Variants in SELENBP1 observed in about 807,000 individuals in gnomAD.
SELENBP1 encodes methanethiol oxidase.
Under a neutral mutation model 61.0 loss-of-function variants are expected in SELENBP1, and 71 were observed. The observed-to-expected ratio is 1.16, with a 90% CI of 0.96 to 1.42. SELENBP1 has a LOEUF of 1.42. SELENBP1 is among the 40% of genes most tolerant of loss of function. SELENBP1 has a pLI of 0.00. For synonymous variants in SELENBP1, 270 were observed against 238.9 expected (o/e 1.13, Z -1.20); for missense variants, 561 against 605.0 (o/e 0.93, Z 0.76).
Position 151,366,795 on chromosome 1 carries a change from A to AT in SELENBP1, c.590dup (p.Asn197LysfsTer7). The stretch of plus-strand genomic sequence containing the variant: ...CTGCCCACTCAGTGCTGATCATGAC[A>AT]TTGTGTCGAGGCTGGTACCAGAAGT... On this transcript the variant is annotated frameshift_variant, in exon 6 of 12. Coordinates refer to ENST00000368868, the MANE Select transcript of SELENBP1 (RefSeq NM_003944.4). LOFTEE classifies it high-confidence loss of function. The AT allele has an allele frequency of 6.2e-7, 1 of 1,614,074 alleles. No homozygotes were observed.
chr1:151,368,951 TG>T (rs1651995663), intron 4 of SELENBP1, 52 bp downstream of exon 4: 7 of 1,547,444 alleles, frequency 4.5e-6, no homozygotes, highest in Non-Finnish European at 6.2e-6. Context: ...GTAGACTACC[TG>T]GGGTGGCAGG....
At chr1:151,367,645 G>T (rs1752383) in intron 5 of SELENBP1, among the ~76,000 whole-genome samples, 19,144 of 152,078 alleles carry the variant, frequency 0.13, 2,210 homozygotes, top group African/African-American at 0.31. Flanking sequence ...TTTTTTGAGA[G>T]AGGGTCTCAC....
chr1:151,367,538 T>C (rs1413654479), intron 5 of SELENBP1, among the ~76,000 whole-genome samples: 2 of 152,034 alleles, frequency 1.3e-5, no homozygotes, highest in African/African-American at 4.8e-5. Flanking sequence ...TCCCACGAGA[T>C]CTTCTGGGAC....
intron 1 of SELENBP1, among the ~76,000 whole-genome samples, chr1:151,371,506 A>G (rs1571288380): frequency 1.3e-5 from 2 of 151,942 alleles, no homozygotes; most frequent in Admixed American, 6.6e-5. Context: ...GCCCAGCGAG[A>G]GGGCTGGAGG....
chr1:151,364,454 G>C lies in SELENBP1; in HGVS notation c.*89C>G, dbSNP rs917949894. The C allele has an allele frequency of 1.3e-6, 2 of 1,520,154 alleles. No homozygotes were observed. The highest frequency in any genetic ancestry group is 1.8e-6 in the Non-Finnish European group (2 of 1,100,710). 94.2% of individuals were successfully genotyped at this position (1,520,154 alleles called of 1,614,324 possible). ...TTGGCTGTGTGGTACATGCTGCCAAGGGTCGGGTGCCAAGAGAGAGCAGAA... is the reference window on the plus strand; with the variant it reads ...TTGGCTGTGTGGTACATGCTGCCAACGGTCGGGTGCCAAGAGAGAGCAGAA... On this transcript the variant is annotated 3_prime_UTR_variant, in exon 12 of 12. Coordinates refer to ENST00000368868, the MANE Select transcript of SELENBP1 (RefSeq NM_003944.4).
Position 151,365,654 on chromosome 1 carries a change from T to C in SELENBP1, c.953A>G (p.Asp318Gly). 1 of 1,614,166 alleles carries C rather than the reference T, an allele frequency of 6.2e-7. No homozygotes were observed. ...GTTGCTGAAGTAGAGGAAGCGGTCG[T>C]CCAGGGAGAGCAGGATGTCGGTGAT... ...GLITDILLSL[D>G]DRFLYFSNWL... The change falls in exon 9 of 12, where the codon GAC (aspartate) becomes GGC (glycine). Residue 318 changes from aspartate (D) to glycine (G), a missense_variant. Coordinates refer to ENST00000368868, the MANE Select transcript of SELENBP1 (RefSeq NM_003944.4).
intron 3 of SELENBP1, 75 bp downstream of exon 3, chr1:151,369,367 G>C (rs1299331459): frequency 4.1e-6 from 6 of 1,467,804 alleles, no homozygotes; most frequent in Non-Finnish European, 5.6e-6. Context: ...GGATGGAGCT[G>C]GGAAGGGGGG....
chr1:151,365,486 T>C, intron 9 of SELENBP1, 77 bp downstream of exon 9: 1 of 1,601,786 alleles, frequency 6.2e-7, no homozygotes, highest in Non-Finnish European at 8.5e-7. Context: ...CTGCAGCTGC[T>C]TCAGATCATC....
Position 151,366,805 on chromosome 1 carries a change from G to C in SELENBP1, c.581C>G (p.Pro194Arg). ...APLGYDFWYQ[P>R]RHNVMISTEW... Reference sequence around the variant, plus strand: ...AGTGCTGATCATGACATTGTGTCGAGGCTGGTACCAGAAGTCATAGCCCAA... The same window carrying C: ...AGTGCTGATCATGACATTGTGTCGACGCTGGTACCAGAAGTCATAGCCCAA... The change falls in exon 6 of 12, where the codon CCT becomes CGT. Residue 194 changes from proline to arginine, a missense_variant. Physicochemically the swap from Pro to Arg is moderately radical, Grantham distance 103. Transcript: ENST00000368868. 6.2e-7 allele frequency: 1 copy of C among 1,614,140 alleles called. No individual in the cohort carries two copies. The highest frequency in any genetic ancestry group is 1.1e-5 in the South Asian group (1 of 91,082).
In SELENBP1 at chr1:151,366,244, T is replaced by G. The variant is rs756537814; in HGVS notation, c.843+31A>C. The stretch of plus-strand genomic sequence containing the variant: ...TAGGTAGAGCTGCTGACAAGACTAC[T>G]GGGAGGGGAGGGCCAGAGGGCGTAT... On this transcript the variant is annotated intron_variant, in intron 7 of 11. Transcript: ENST00000368868. 14 of 1,600,442 alleles carry G rather than the reference T, an allele frequency of 8.7e-6. No homozygotes were observed. The African/African-American group carries it at 1.9e-4, about 21-fold the overall frequency.
chr1:151,364,637 A>G lies in SELENBP1; in HGVS notation c.1325T>C (p.Phe442Ser). ...VKGGLKLNPNFLVDFGKEPLG... is the reference protein window; with the variant it reads ...VKGGLKLNPNSLVDFGKEPLG... ...GGGCTCCTTCCCGAAGTCCACCAGG[A>G]AGTTGGGGTTCAACTTCAGCCCTCC... The change falls in exon 12 of 12, where the codon TTC (phenylalanine) becomes TCC (serine). Residue 442 changes from phenylalanine (F) to serine (S), a missense_variant. Coordinates refer to ENST00000368868, the MANE Select transcript of SELENBP1 (RefSeq NM_003944.4). The G allele has an allele frequency of 6.2e-7, 1 of 1,613,390 alleles. No homozygotes were observed. Among genetic ancestry groups the G allele is most frequent in the African/African-American group, 1.3e-5 (1 of 75,018 alleles).
chr1:151,372,435 C>CA (rs1652184164), intron 1 of SELENBP1, among the ~76,000 whole-genome samples: 1 of 151,868 alleles, frequency 6.6e-6, no homozygotes, highest in Non-Finnish European at 1.5e-5. Context: ...TGCCTCTGCC[C>CA]GTCTTCCTCA....
In SELENBP1 at chr1:151,364,558, A is replaced by G; in HGVS notation, c.1404T>C (p.Ser468=). 1 of 1,614,168 alleles carries G rather than the reference A, an allele frequency of 6.2e-7. No individual in the cohort carries two copies. Residue 468 remains serine (S), a synonymous_variant, in exon 12 of 12, where the codon TCT becomes TCC. Transcript: ENST00000368868. ...ELRYPGGDCS[S]DIWI ...AGGGTGGAGTTCAAATCCAGATGTC[A>G]GAGCTACAATCGCCCCCAGGGTAGC...
At chr1:151,364,754 C>T in intron 11 of SELENBP1, 49 bp from the exon 12 acceptor site, 4 of 1,536,526 alleles carry the variant, frequency 2.6e-6, no homozygotes, top group South Asian at 1.3e-5. Flanking sequence ...GTGGCTGCCC[C>T]CTTCCCCTAA....
chr1:151,367,487 G>C (rs536561242), intron 5 of SELENBP1: 9 of 152,144 alleles, frequency 5.9e-5, no homozygotes, highest in Admixed American at 4.6e-4. Flanking sequence ...CCTGTCTCCT[G>C]TCTACTTCAT....
rs763193837 is a variant in SELENBP1, at chr1:151,366,860, T to A, written c.526A>T (p.Thr176Ser). 6.2e-7 allele frequency: 1 copy of A among 1,614,002 alleles called. No individual in the cohort carries two copies. The highest frequency in any genetic ancestry group is 8.5e-7 in the Non-Finnish European group (1 of 1,179,980). ...GCAGCACCCCCAGGTCTCTCCCATG[T>A]CCCCTTCACCTCGAACGTCTCCCCA... ...LDGETFEVKGTWERPGGAAPL... is the reference protein window; with the variant it reads ...LDGETFEVKGSWERPGGAAPL... Residue 176 changes from threonine (T) to serine (S), a missense_variant, in exon 6 of 12, where the codon ACA (threonine) becomes TCA (serine). Thr to Ser is a moderately conservative substitution (Grantham distance 58, BLOSUM62 1). Transcript: ENST00000368868.
Position 151,366,913 on chromosome 1 carries a change from G to C in SELENBP1, c.482-9C>G, listed in dbSNP as rs780634555. ...CAGCAGCACAAAACCCCCTGAACAG[G>C]GAAGGAAGCAGGGTGGCAGGTAGAA... On this transcript the variant is annotated splice_polypyrimidine_tract_variant and intron_variant, in intron 5 of 11. Transcript: ENST00000368868. 3 of 1,612,482 alleles carry C rather than the reference G, an allele frequency of 1.9e-6. No individual in the cohort carries two copies. In the South Asian group the frequency reaches 3.3e-5, roughly 18 times the overall value.
At chr1:151,366,960 C>T (rs1651863260) in intron 5 of SELENBP1, 56 bp from the exon 6 acceptor site, 1 of 1,576,796 alleles carries the variant, frequency 6.3e-7, no homozygotes, top group Admixed American at 1.7e-5. Context: ...ACTAACCCCA[C>T]CCTCCAGCCC....
chr1:151,365,128 C>G, intron 10 of SELENBP1, 61 bp downstream of exon 10: 2 of 1,585,848 alleles, frequency 1.3e-6, no homozygotes, highest in South Asian at 2.2e-5. Flanking sequence ...TCAGCTGCTC[C>G]CCCACATATT....
Sources: gnomAD v4.1 joint callset for allele counts (sites outside exome capture counted in the v4.1 genomes callset) on GRCh38, gnomAD v4.1.1 for gene constraint, MANE v1.5 for transcripts, NCBI Gene and HGNC (gene_info 2026-07-23, HGNC 2026-07-21) for gene names.